The following TPD52 variants were observed in gnomAD, a reference collection of about 807,000 sequenced individuals.
TPD52 encodes tumor protein D52, also known as prostate and colon associated protein.
Under a neutral mutation model 31.3 loss-of-function variants are expected in TPD52, and 17 were observed. The ratio of observed to expected loss-of-function variants is 0.54; its 90% CI spans 0.37 to 0.82. The LOEUF is 0.82. Ranked by LOEUF, TPD52 falls within the 40% of genes least tolerant of loss-of-function variation. The pLI is 0.00. For synonymous variants in TPD52, 83 were observed against 89.6 expected, an observed-to-expected ratio of 0.93 and a Z score of 0.42; for missense variants, 212 against 240.1, an observed-to-expected ratio of 0.88 and a Z score of 0.77.
At chr8:80,150,049 G>A (rs888801271) in intron 1 of TPD52, among the ~76,000 whole-genome samples, 4 of 152,222 alleles carry the variant, frequency 2.6e-5, no homozygotes, top group Admixed American at 6.5e-5. Flanking sequence ...TGGAGGCCTA[G>A]GAGGGAGAAA....
intron 2 of TPD52, among the ~76,000 whole-genome samples, chr8:80,061,687 A>G (rs981614377): frequency 8.5e-5 from 13 of 152,268 alleles, no homozygotes; most frequent in Non-Finnish European, 1.9e-4. Context: ...TGTCTCAAAA[A>G]AATTTTTTTA....
intron 2 of TPD52, among the ~76,000 whole-genome samples, chr8:80,054,914 C>T (rs946158763): frequency 2.6e-5 from 4 of 151,792 alleles, no homozygotes; most frequent in Non-Finnish European, 4.4e-5. Flanking sequence ...AAGTGGAATA[C>T]GAGAAGAAAA....
chr8:80,067,032 T>C (rs1032729430), intron 1 of TPD52: 7 of 152,266 alleles, frequency 4.6e-5, no homozygotes. Context: ...TCATGCTTTT[T>C]TGATACACAC....
intron 1 of TPD52, among the ~76,000 whole-genome samples, chr8:80,131,371 C>T (rs1809006771): frequency 6.6e-6 from 1 of 152,184 alleles, no homozygotes; most frequent in South Asian, 2.1e-4. Flanking sequence ...CAAAGGAAAA[C>T]ACCTAGCATA....
intron 1 of TPD52, among the ~76,000 whole-genome samples, chr8:80,096,854 T>C (rs1411011780): frequency 6.6e-6 from 1 of 152,166 alleles, no homozygotes; most frequent in African/African-American, 2.4e-5. Context: ...TTAATGTCCC[T>C]ACGATGGCCT....
chr8:80,034,066 T>G (rs1219155928), downstream of TPD52, among the ~76,000 whole-genome samples: 1 of 151,710 alleles, frequency 6.6e-6, no homozygotes, highest in East Asian at 1.9e-4. Flanking sequence ...CAAGCTACCC[T>G]CAGCCCCTGG....
chr8:80,033,461 C>T (rs570618105), downstream of TPD52, among the ~76,000 whole-genome samples: 51 of 152,220 alleles, frequency 3.4e-4, no homozygotes, highest in African/African-American at 9.4e-4. Context: ...TGTCTGGTGC[C>T]GGTGAAAGGT....
At chr8:80,095,657 A>G (rs1219728504) in intron 1 of TPD52, among the ~76,000 whole-genome samples, 1 of 151,906 alleles carries the variant, frequency 6.6e-6, no homozygotes, top group Non-Finnish European at 1.5e-5. Context: ...CCTAAAATAC[A>G]AAGACTAGGC....
chr8:80,117,880 G>A (rs982207356), intron 1 of TPD52, among the ~76,000 whole-genome samples: 3 of 151,526 alleles, frequency 2.0e-5, no homozygotes, highest in South Asian at 2.1e-4. Flanking sequence ...CTACAGGCGC[G>A]TGCCACCACT....
intron 7 of TPD52, 67 bp from the exon 8 acceptor site, chr8:80,038,302 T>C: frequency 6.5e-7 from 1 of 1,544,788 alleles, no homozygotes. Context: ...CTGCATAAAG[T>C]AACTCTAATT....
intron 1 of TPD52, among the ~76,000 whole-genome samples, chr8:80,072,395 A>T (rs1282913344): frequency 2.0e-5 from 3 of 147,102 alleles, no homozygotes; most frequent in Non-Finnish European, 4.5e-5. Flanking sequence ...ATATACATGT[A>T]CACATAGATA....
At chr8:80,080,880 A>C (rs141221093) in intron 1 of TPD52, 7 of 521,008 alleles carry the variant, frequency 1.3e-5, no homozygotes, top group Non-Finnish European at 1.7e-5. Flanking sequence ...AATAAATAAA[A>C]AAATCAGCTG....
intron 2 of TPD52, among the ~76,000 whole-genome samples, chr8:80,060,830 A>G (rs1479686554): frequency 1.3e-5 from 2 of 152,160 alleles, no homozygotes; most frequent in Non-Finnish European, 2.9e-5. Flanking sequence ...ACGCAAGTGC[A>G]TTTGTGAAAA....
chr8:80,171,506 A>C lies in TPD52; in HGVS notation c.-63T>G. 1 of 1,510,210 alleles carries C rather than the reference A, an allele frequency of 6.6e-7. No homozygotes were observed. 93.6% of individuals were successfully genotyped at this position (1,510,210 alleles called of 1,614,324 possible). A position where few individuals can be genotyped will look rare whatever the true frequency, so the allele number is the denominator to read the frequency against. On this transcript the variant is annotated 5_prime_UTR_variant, in exon 1 of 8. Transcript: ENST00000518937. Reference sequence around the variant, plus strand: ...CCGCCTGCAGCCCGTCCCGGCTCGGATCGCCCGCCGCGCCGCGCAGAGCTC... The same window carrying C: ...CCGCCTGCAGCCCGTCCCGGCTCGGCTCGCCCGCCGCGCCGCGCAGAGCTC...
intron 1 of TPD52, among the ~76,000 whole-genome samples, chr8:80,113,111 T>C (rs1364331681): frequency 6.6e-6 from 1 of 152,182 alleles, no homozygotes; most frequent in Admixed American, 6.5e-5. Context: ...TTTTGGAGCA[T>C]TTCAGATGTC....
chr8:80,140,841 G>GT (rs1809779186), intron 1 of TPD52, among the ~76,000 whole-genome samples: 1 of 152,134 alleles, frequency 6.6e-6, no homozygotes, highest in Admixed American at 6.5e-5. Flanking sequence ...AAACTAACGA[G>GT]TGGGTCACCT....
intron 1 of TPD52, among the ~76,000 whole-genome samples, chr8:80,092,935 C>A (rs2217063): frequency 0.51 from 77,270 of 151,148 alleles, 19,867 homozygotes; most frequent in East Asian, 0.71. Context: ...TATTTATTAC[C>A]AAGGAAGTGT....
chr8:80,115,227 G>A (rs1400064576), intron 1 of TPD52, among the ~76,000 whole-genome samples: 1 of 152,172 alleles, frequency 6.6e-6, no homozygotes, highest in Non-Finnish European at 1.5e-5. Context: ...CAGCCAATCT[G>A]CAGACTGAAG....
At chr8:80,121,926 A>G (rs903822376) in intron 1 of TPD52, among the ~76,000 whole-genome samples, 2 of 149,298 alleles carry the variant, frequency 1.3e-5, no homozygotes, top group African/African-American at 5.0e-5. Context: ...TTCAAAAATT[A>G]TAATTATGTA....
Sources: gnomAD v4.1 joint callset for allele counts (sites outside exome capture counted in the v4.1 genomes callset) on GRCh38, gnomAD v4.1.1 for gene constraint, MANE v1.5 for transcripts, NCBI Gene and HGNC (gene_info 2026-07-23, HGNC 2026-07-21) for gene names.